The following CDH13 variants were observed in gnomAD, a reference collection of about 807,000 sequenced individuals.
CDH13 encodes the protein cadherin-13.
Under a neutral mutation model 63.8 loss-of-function variants are expected in CDH13, and 24 were observed. The observed-to-expected ratio is 0.38, with a 90% CI of 0.27 to 0.53. The LOEUF (loss-of-function observed/expected upper bound fraction) is 0.53, where lower values mean the gene tolerates loss of function less well. CDH13 is among the 20% of genes least tolerant of loss of function. The probability of loss-of-function intolerance (pLI) is 0.85; values close to 1 mark genes in which losing one functional copy is unlikely to be tolerated. For synonymous variants in CDH13, 503 were observed against 355.3 expected (o/e 1.42, Z -4.67); for missense variants, 1,049 against 903.1 (o/e 1.16, Z -2.07).
rs10527714 is a variant in CDH13 at position 82,909,252 on chromosome 16, A to ATGTGTGTGTGTG, written c.157+50809_157+50820dup. ...CACAGAAACTGAGGACTGACTGTAT[A>ATGTGTGTGTGTG]TGTGTGTGTGTGTGTGTGTGTGTGT... On this transcript the variant is annotated intron_variant, in intron 2 of 13. Coordinates refer to ENST00000567109, the MANE Select transcript of CDH13 (RefSeq NM_001257.5). 1.0e-2 allele frequency among the ~76,000 whole-genome samples: 1,467 copies of ATGTGTGTGTGTG among 146,902 alleles called. 16 individuals carry two copies. The highest frequency in any genetic ancestry group is 0.024 in the African/African-American group (960 of 39,892).
intron 4 of CDH13, among the ~76,000 whole-genome samples, chr16:83,132,059 T>C (rs943130477): frequency 6.6e-6 from 1 of 152,238 alleles, no homozygotes; most frequent in Non-Finnish European, 1.5e-5. Flanking sequence ...CTGAGATTTA[T>C]GCCCACCTAT....
chr16:83,757,830 A>G (rs1224676562), intron 11 of CDH13, among the ~76,000 whole-genome samples: 1 of 152,056 alleles, frequency 6.6e-6, no homozygotes, highest in African/African-American at 2.4e-5. Flanking sequence ...AAACTTATCA[A>G]AAATAACCTA....
intron 3 of CDH13, among the ~76,000 whole-genome samples, chr16:83,117,918 G>A (rs1379469996): frequency 6.6e-6 from 1 of 152,212 alleles, no homozygotes; most frequent in Non-Finnish European, 1.5e-5. Context: ...AGGGAGGAAA[G>A]CAAATGAGGT....
chr16:82,857,526 G>A (rs528925290), intron 1 of CDH13, among the ~76,000 whole-genome samples: 108 of 152,224 alleles, frequency 7.1e-4, no homozygotes, highest in African/African-American at 2.4e-3. Context: ...GGAGAGAATC[G>A]TATACATCTC....
At chr16:83,186,790 G>A (rs2038539797) in intron 4 of CDH13, among the ~76,000 whole-genome samples, 1 of 152,112 alleles carries the variant, frequency 6.6e-6, no homozygotes. Flanking sequence ...GCTCTTGTGA[G>A]ACAAGCCAAC....
chr16:83,218,370 C>G (rs994323263), intron 5 of CDH13, among the ~76,000 whole-genome samples: 1 of 152,122 alleles, frequency 6.6e-6, no homozygotes, highest in South Asian at 2.1e-4. Flanking sequence ...ATGTCCATCT[C>G]GGAAGCCTTG....
At chr16:83,451,061 T>C (rs1480745800) in intron 6 of CDH13, among the ~76,000 whole-genome samples, 1 of 152,208 alleles carries the variant, frequency 6.6e-6, no homozygotes, top group Non-Finnish European at 1.5e-5. Context: ...CCAGTGATGC[T>C]GCTGGTCTGG....
intron 6 of CDH13, among the ~76,000 whole-genome samples, chr16:83,390,516 T>A (rs2091766038): frequency 6.6e-6 from 1 of 151,982 alleles, no homozygotes; most frequent in Admixed American, 6.6e-5. Context: ...AGATAATGTG[T>A]GATTTTGAGA....
At chr16:83,569,972 T>C in intron 7 of CDH13, among the ~76,000 whole-genome samples, 1 of 152,168 alleles carries the variant, frequency 6.6e-6, no homozygotes, top group Non-Finnish European at 1.5e-5. Flanking sequence ...CCTGACCTCG[T>C]GATCTTCCTG....
chr16:83,719,712 C>T lies in CDH13; in HGVS notation c.1539-28396C>T, dbSNP rs192007722. On this transcript the variant is annotated intron_variant, in intron 10 of 13. Transcript: ENST00000567109. ...ATAAGGTGAGGAGGCTGTGGCATAC[C>T]ATGTTCTGTGCCATGTCCTCAGATA... Among the ~76,000 whole-genome samples the T allele has an allele frequency of 1.8e-3, 267 of 152,248 alleles. 2 individuals carry two copies. Among genetic ancestry groups the T allele is most frequent in the African/African-American group, 6.2e-3 (259 of 41,552 alleles).
intron 7 of CDH13, among the ~76,000 whole-genome samples, chr16:83,569,332 A>G (rs1364511682): frequency 6.6e-6 from 1 of 152,134 alleles, no homozygotes; most frequent in African/African-American, 2.4e-5. Context: ...ACATGTGGCT[A>G]CCAGTTGATT....
At chr16:83,090,172 A>G (rs1221812267) in intron 3 of CDH13, among the ~76,000 whole-genome samples, 2 of 152,014 alleles carry the variant, frequency 1.3e-5, no homozygotes, top group African/African-American at 2.4e-5. Flanking sequence ...CTTCTCTCCA[A>G]CTACCTCCCA....
At chr16:83,557,792 C>T (rs2075632353) in intron 7 of CDH13, among the ~76,000 whole-genome samples, 1 of 152,042 alleles carries the variant, frequency 6.6e-6, no homozygotes, top group Non-Finnish European at 1.5e-5. Flanking sequence ...CCAGTAGCAC[C>T]CAATTTCAGA....
chr16:83,472,316 A>C (rs1357941351), intron 6 of CDH13, among the ~76,000 whole-genome samples: 1 of 152,190 alleles, frequency 6.6e-6, no homozygotes, highest in East Asian at 1.9e-4. Context: ...GTGGGGATTT[A>C]TGTTAGACGG....
chr16:83,036,440 G>T (rs892110215), intron 3 of CDH13, among the ~76,000 whole-genome samples: 1 of 152,064 alleles, frequency 6.6e-6, no homozygotes, highest in Non-Finnish European at 1.5e-5. Flanking sequence ...GTGAGCCGCA[G>T]TGCCCAACCT....
intron 1 of CDH13, among the ~76,000 whole-genome samples, chr16:82,805,904 C>T (rs182524253): frequency 1.4e-4 from 21 of 152,282 alleles, no homozygotes; most frequent in Admixed American, 5.9e-4. Flanking sequence ...TAACATGGTA[C>T]GCACATTTCT....
chr16:83,712,936 T>C (rs1247877865), intron 10 of CDH13, among the ~76,000 whole-genome samples: 3 of 152,218 alleles, frequency 2.0e-5, no homozygotes, highest in African/African-American at 7.2e-5. Flanking sequence ...GCAAAGTGAC[T>C]TTGAAGTAAC....
intron 5 of CDH13, among the ~76,000 whole-genome samples, chr16:83,254,095 A>C (rs545910799): frequency 7.9e-5 from 12 of 152,304 alleles, no homozygotes; most frequent in African/African-American, 2.9e-4. Flanking sequence ...AGATGGAAGC[A>C]AGACAGATAA....
chr16:83,246,060 C>G (rs1904962370), intron 5 of CDH13, among the ~76,000 whole-genome samples: 1 of 152,118 alleles, frequency 6.6e-6, no homozygotes. Context: ...CTTGTTTGAC[C>G]AGGATGTCTT....
Sources: allele counts gnomAD v4.1 joint callset (sites outside exome capture counted in the v4.1 genomes callset), GRCh38; gene constraint gnomAD v4.1.1; transcripts MANE v1.5; gene names NCBI Gene and HGNC (gene_info 2026-07-23, HGNC 2026-07-21).